Variants in IMPA2 observed in about 807,000 individuals in gnomAD.
The protein encoded by IMPA2 is inositol monophosphatase 2, also known as IMP 2.
In IMPA2, 32 loss-of-function variants were observed where a neutral mutation model predicts 35.1. The observed-to-expected ratio is 0.91, with a 90% CI of 0.69 to 1.23. The LOEUF (loss-of-function observed/expected upper bound fraction) is 1.23, where lower values mean the gene tolerates loss of function less well. IMPA2 is among the 50% of genes most tolerant of loss of function. The probability of loss-of-function intolerance (pLI) is 0.00; values close to 1 mark genes in which losing one functional copy is unlikely to be tolerated. For synonymous variants in IMPA2, 135 were observed against 160.6 expected (o/e 0.84, Z 1.20); for missense variants, 334 against 387.6 (o/e 0.86, Z 1.16).
chr18:12,013,635 G>A (rs1285857586), intron 4 of IMPA2, among the ~76,000 whole-genome samples: 3 of 152,220 alleles, frequency 2.0e-5, no homozygotes, highest in Admixed American at 1.3e-4. Context: ...ACAGAGGCAC[G>A]CGGCCGTGGG....
chr18:11,988,300 C>G (rs961613217), intron 1 of IMPA2, among the ~76,000 whole-genome samples: 2 of 152,164 alleles, frequency 1.3e-5, no homozygotes, highest in Non-Finnish European at 2.9e-5. Context: ...GCCACTGTGC[C>G]CAGCTGTTTA....
chr18:11,983,761 A>G (rs1906575089), intron 1 of IMPA2, among the ~76,000 whole-genome samples: 1 of 151,950 alleles, frequency 6.6e-6, no homozygotes, highest in African/African-American at 2.4e-5. Context: ...GTGCTGAGGG[A>G]ATGGCCTGAA....
At position 11,991,674 on chromosome 18, in the gene IMPA2, A is replaced by G. The variant is rs1906816550; in HGVS notation, c.97-7380A>G. Among the ~76,000 whole-genome samples the G allele has an allele frequency of 6.6e-6, 1 of 152,120 alleles. No individual in the cohort carries two copies. Among genetic ancestry groups the G allele is most frequent in the South Asian group, 2.1e-4 (1 of 4,824 alleles). On this transcript the variant is annotated intron_variant, in intron 1 of 7. Coordinates refer to ENST00000269159, the MANE Select transcript of IMPA2 (RefSeq NM_014214.3). This position sits in a 1 kb window ranked among gnomAD's most constrained non-coding sequence, Gnocchi z 4.1. ...GGCCATAGGGCAGGAAGAGTTGTTC[A>G]TGTGGACAGAGTCCCAAGGCCATTT...
rs895170297 is a variant in IMPA2, at chr18:12,029,123, T to G, written c.751+130T>G. 196 of 919,956 alleles carry G rather than the reference T, an allele frequency of 2.1e-4. 1 individual carries two copies. In the East Asian group the frequency reaches 4.2e-3, roughly 20 times the overall value. The allele number at this position is 919,956 out of a possible 1,614,324, so 57.0% of individuals were successfully genotyped here. On this transcript the variant is annotated intron_variant, in intron 7 of 7. Transcript: ENST00000269159. ...CAGAGTTTCTGTTTTTTTTTTTTTTTTTTTTTTTTTGAGACGGGGTCTTGG... is the reference window on the plus strand; with the variant it reads ...CAGAGTTTCTGTTTTTTTTTTTTTTGTTTTTTTTTTGAGACGGGGTCTTGG...
At chr18:11,995,577 A>G (rs1416199200) in intron 1 of IMPA2, among the ~76,000 whole-genome samples, 1 of 152,144 alleles carries the variant, frequency 6.6e-6, no homozygotes, top group East Asian at 1.9e-4. Context: ...CTTTATCCAC[A>G]TAGTGACAGG....
At chr18:12,024,266 C>G (rs1379806072) in intron 5 of IMPA2, among the ~76,000 whole-genome samples, 2 of 152,106 alleles carry the variant, frequency 1.3e-5, no homozygotes, top group Non-Finnish European at 2.9e-5. Flanking sequence ...GGTTGATCAC[C>G]TGAGATCAGC....
chr18:11,981,880 C>G (rs992694415), intron 1 of IMPA2, 115 bp downstream of exon 1: 10 of 594,478 alleles, frequency 1.7e-5, no homozygotes, highest in Non-Finnish European at 2.2e-5. Flanking sequence ...AGGGTCCGCA[C>G]CCGAGGGCGC....
chr18:12,009,515 T>C (rs896841793), intron 2 of IMPA2, among the ~76,000 whole-genome samples: 2 of 152,150 alleles, frequency 1.3e-5, no homozygotes, highest in African/African-American at 4.8e-5. Context: ...TGCTTGGTCA[T>C]ATCTCATCAG....
At chr18:12,003,670 GGAAAA>G (rs571640343) in intron 2 of IMPA2, among the ~76,000 whole-genome samples, 14,229 of 80,698 alleles carry the variant, frequency 0.18, 994 homozygotes, top group African/African-American at 0.25. Context: ...AAAAAGAAAA[GGAAAA>G]AAAAAAAAAA....
chr18:12,005,887 G>A (rs1490403642), intron 2 of IMPA2, among the ~76,000 whole-genome samples: 1 of 152,170 alleles, frequency 6.6e-6, no homozygotes, highest in African/African-American at 2.4e-5. Flanking sequence ...GAGAAGAATT[G>A]CACATTCCTC....
rs761797538 is a variant in IMPA2, at chr18:12,014,330, C to T, written c.447C>T (p.Gly149=). 90 of 1,608,744 alleles carry T rather than the reference C, an allele frequency of 5.6e-5. No individual in the cohort carries two copies. Among genetic ancestry groups the T allele is most frequent in the Admixed American group, 1.4e-4 (8 of 59,192 alleles). ...TGTACACGGGCCGGCGGGGTCGGGG[C>T]GCCTTCTGCAATGGCCAGCGGCTCC... The part of the protein sequence containing the change: ...ERLYTGRRGR[G]AFCNGQRLRV... Residue 149 remains glycine, a synonymous_variant, in exon 5 of 8, where the codon GGC becomes GGT. Transcript: ENST00000269159.
intron 1 of IMPA2, among the ~76,000 whole-genome samples, chr18:11,993,614 C>A (rs572541279): frequency 6.6e-6 from 1 of 152,280 alleles, no homozygotes; most frequent in South Asian, 2.1e-4. Flanking sequence ...AGGGCAGTGA[C>A]CAAGTACAGT....
intron 2 of IMPA2, among the ~76,000 whole-genome samples, chr18:12,002,535 A>C (rs2143794186): frequency 6.6e-6 from 1 of 152,260 alleles, no homozygotes; most frequent in East Asian, 1.9e-4. Flanking sequence ...GCACTTCAGG[A>C]GCCCAAGGTC....
At chr18:11,985,251 G>A (rs72871700) in intron 1 of IMPA2, among the ~76,000 whole-genome samples, 15,240 of 151,834 alleles carry the variant, frequency 0.1, 963 homozygotes, top group East Asian at 0.28. Flanking sequence ...AATTTCTAAG[G>A]TGCTAAGAAA....
At chr18:12,000,738 C>T (rs758228300) in intron 2 of IMPA2, among the ~76,000 whole-genome samples, 1 of 150,636 alleles carries the variant, frequency 6.6e-6, no homozygotes, top group Non-Finnish European at 1.5e-5. Flanking sequence ...GCCTCAGCCT[C>T]CTGAGTAGCT....
At chr18:12,018,457 C>A (rs1907641943) in intron 5 of IMPA2, among the ~76,000 whole-genome samples, 1 of 152,158 alleles carries the variant, frequency 6.6e-6, no homozygotes, top group East Asian at 1.9e-4. Flanking sequence ...GATTTAACGC[C>A]ACCACTGTCC....
intron 5 of IMPA2, among the ~76,000 whole-genome samples, chr18:12,022,941 A>ATTTTTTTTTTTTTTTTT (rs35737614): frequency 2.4e-4 from 20 of 81,700 alleles, no homozygotes; most frequent in South Asian, 5.7e-4. Flanking sequence ...CGCCTGCCTA[A>ATTTTTTTTTTTTTTTTT]TTTTTTTTTT....
Position 12,010,782 on chromosome 18 carries a change from G to C in IMPA2, c.335+795G>C, listed in dbSNP as rs1907412793. Among the ~76,000 whole-genome samples, 1 of 152,236 alleles carries C rather than the reference G, an allele frequency of 6.6e-6. No homozygotes were observed. Among genetic ancestry groups the C allele is most frequent in the African/African-American group, 2.4e-5 (1 of 41,462 alleles). On this transcript the variant is annotated intron_variant, in intron 3 of 7. Transcript: ENST00000269159. This position sits in a 1 kb window ranked among gnomAD's most constrained non-coding sequence, Gnocchi z 4.8. Reference sequence around the variant, plus strand: ...CAGGAAGGGTGAGCAGAGCCCGGGTGTGGGCTCCTTTATGATCTGCCTCTG... The same window carrying C: ...CAGGAAGGGTGAGCAGAGCCCGGGTCTGGGCTCCTTTATGATCTGCCTCTG...
intron 1 of IMPA2, among the ~76,000 whole-genome samples, 200 bp downstream of exon 1, chr18:11,981,965 G>A (rs1484543881): frequency 6.6e-6 from 1 of 152,236 alleles, no homozygotes; most frequent in Non-Finnish European, 1.5e-5. Context: ...CCAACTCCCG[G>A]AGCCCTGGCG....
Sources: allele counts gnomAD v4.1 joint callset (sites outside exome capture counted in the v4.1 genomes callset), GRCh38; gene constraint gnomAD v4.1.1; non-coding constraint Gnocchi (gnomAD v3.1); transcripts MANE v1.5; gene names NCBI Gene and HGNC (gene_info 2026-07-23, HGNC 2026-07-21).